The following GAN variants were observed in gnomAD, a reference collection of about 807,000 sequenced individuals.
GAN encodes epididymis secretory sperm binding protein.
In GAN, 48 loss-of-function variants were observed where a neutral mutation model predicts 71.3. The ratio of observed to expected loss-of-function variants is 0.67; its 90% CI spans 0.53 to 0.86. The LOEUF is 0.86. GAN is among the 40% of genes least tolerant of loss of function. The pLI is 0.00. For missense variants in GAN, 928 were observed against 770.1 expected (o/e 1.21, Z -2.43); for synonymous variants, 386 against 276.8 (o/e 1.39, Z -3.92).
intron 9 of GAN, among the ~76,000 whole-genome samples, chr16:81,369,686 G>C (rs887191422): frequency 1.3e-5 from 2 of 152,158 alleles, no homozygotes; most frequent in African/African-American, 4.8e-5. Flanking sequence ...CCACCTGCCG[G>C]GTTCACACCA....
In GAN at chr16:81,386,243, A is replaced by C. The variant is rs1157547250; in HGVS notation, c.*8647A>C. ...TACTTAAAACTCTTTACTAAAGTTGAATTTTCCTTTTTTTTCATTGAAATA... is the reference window on the plus strand; with the variant it reads ...TACTTAAAACTCTTTACTAAAGTTGCATTTTCCTTTTTTTTCATTGAAATA... On this transcript the variant is annotated 3_prime_UTR_variant, in exon 11 of 11. Transcript: ENST00000648994. 1.3e-5 allele frequency: 2 copies of C among 152,196 alleles called. No individual in the cohort carries two copies. Among genetic ancestry groups the C allele is most frequent in the Non-Finnish European group, 2.9e-5 (2 of 68,028 alleles). 9.4% of individuals were successfully genotyped at this position (152,196 alleles called of 1,614,324 possible). A position where few individuals can be genotyped will look rare whatever the true frequency, so the allele number is the denominator to read the frequency against.
Position 81,343,108 on chromosome 16 carries a change from A to C in GAN, c.168-8475A>C, listed in dbSNP as rs201593716. ...AGTTGAATCTCTGAATAGACCAATA[A>C]CAGGTTCTGAAATTGAGGCAATAAT... On this transcript the variant is annotated intron_variant, in intron 1 of 10. Coordinates refer to ENST00000648994, the MANE Select transcript of GAN (RefSeq NM_022041.4). Among the ~76,000 whole-genome samples the C allele has an allele frequency of 2.0e-5, 3 of 152,304 alleles. No homozygotes were observed. The East Asian group carries it at 5.8e-4, about 29-fold the overall frequency.
chr16:81,345,172 C>A (rs1397295565), intron 1 of GAN, among the ~76,000 whole-genome samples: 3 of 152,200 alleles, frequency 2.0e-5, no homozygotes, highest in African/African-American at 2.4e-5. Context: ...ATTAGTTCAA[C>A]CATTGTGGAA....
chr16:81,377,123 C>T, intron 9 of GAN, 96 bp from the exon 10 acceptor site: 1 of 817,976 alleles, frequency 1.2e-6, no homozygotes, highest in Non-Finnish European at 2.2e-6. Context: ...GTGCCTGATA[C>T]TGCTGATGAC....
chr16:81,363,137 A>G (rs377033881), intron 6 of GAN, among the ~76,000 whole-genome samples: 10 of 152,224 alleles, frequency 6.6e-5, no homozygotes, highest in Admixed American at 2.0e-4. Flanking sequence ...TATGATCCCA[A>G]ATAGCCTTGG....
intron 5 of GAN, among the ~76,000 whole-genome samples, chr16:81,358,404 C>A (rs1157784267): frequency 1.3e-5 from 2 of 152,090 alleles, no homozygotes; most frequent in African/African-American, 4.8e-5. Flanking sequence ...CCTAGGAGTT[C>A]AAGACCAGCC....
At chr16:81,372,516 G>C (rs1034551032) in intron 9 of GAN, among the ~76,000 whole-genome samples, 1 of 152,154 alleles carries the variant, frequency 6.6e-6, no homozygotes, top group Non-Finnish European at 1.5e-5. Flanking sequence ...CTGAAGATGT[G>C]ATTCAGTTAA....
intron 1 of GAN, among the ~76,000 whole-genome samples, chr16:81,329,188 T>A (rs1375498815): frequency 6.6e-6 from 1 of 152,142 alleles, no homozygotes; most frequent in Non-Finnish European, 1.5e-5. Context: ...TCTTTTTTTT[T>A]CCTTCTCTCC....
At position 81,378,735 on chromosome 16, in the gene GAN, C is replaced by G. The variant is rs955730589; in HGVS notation, c.*1139C>G. The G allele has an allele frequency of 6.6e-6, 1 of 152,620 alleles. No individual in the cohort carries two copies. The highest frequency in any genetic ancestry group is 6.5e-5 in the Admixed American group (1 of 15,276). The allele number at this position is 152,620 out of a possible 1,614,324, so 9.5% of individuals were successfully genotyped here. ...AGTAAAGTTTGGCTGGTAGAATAAA[C>G]TACCTCAACTTAATTTCATTCTGTT... On this transcript the variant is annotated 3_prime_UTR_variant, in exon 11 of 11. Coordinates refer to ENST00000648994, the MANE Select transcript of GAN (RefSeq NM_022041.4).
At chr16:81,348,402 C>T (rs540667068) in intron 1 of GAN, among the ~76,000 whole-genome samples, 5 of 152,050 alleles carry the variant, frequency 3.3e-5, no homozygotes, top group Admixed American at 2.0e-4. Flanking sequence ...TTTAAGTTAC[C>T]TTTTTTCTTA....
rs910117246 is a variant in GAN, at chr16:81,314,982, G to C, written c.-132G>C. The C allele has an allele frequency of 1.8e-4, 135 of 732,802 alleles. 1 individual carries two copies. The highest frequency in any genetic ancestry group is 1.2e-3 in the Admixed American group (28 of 22,994). 45.4% of individuals were successfully genotyped at this position (732,802 alleles called of 1,614,324 possible). ...GCCGCGGATAGCACAGGCACGTCCC[G>C]GGGGCTCCAGCTTCTGCTCAGAGCG... is the stretch of plus-strand genomic sequence containing the variant. On this transcript the variant is annotated 5_prime_UTR_variant, in exon 1 of 11. Coordinates refer to ENST00000648994, the MANE Select transcript of GAN (RefSeq NM_022041.4).
At position 81,356,983 on chromosome 16, in the gene GAN, G is replaced by A. The variant is rs779067083; in HGVS notation, c.832G>A (p.Val278Ile). The A allele has an allele frequency of 2.5e-6, 4 of 1,607,310 alleles. No homozygotes were observed. The highest frequency in any genetic ancestry group is 3.4e-6 in the Non-Finnish European group (4 of 1,174,496). ...PRGYSECIVT[V>I]GGEERVSRKP... ...GGGCTACTCTGAGTGCATCGTGACT[G>A]TTGGTGGAGAAGAGAGAGTGTAAGT... Residue 278 changes from valine to isoleucine, a missense_variant, in exon 4 of 11, where the codon GTT becomes ATT. Val to Ile is a conservative substitution (Grantham distance 29, BLOSUM62 3). Transcript: ENST00000648994.
At chr16:81,331,859 C>T (rs746012328) in intron 1 of GAN, among the ~76,000 whole-genome samples, 2 of 152,188 alleles carry the variant, frequency 1.3e-5, no homozygotes, top group African/African-American at 4.8e-5. Context: ...CTGGGACATA[C>T]TGTGAAAGAA....
At chr16:81,347,623 T>C (rs1288901897) in intron 1 of GAN, among the ~76,000 whole-genome samples, 1 of 152,018 alleles carries the variant, frequency 6.6e-6, no homozygotes, top group African/African-American at 2.4e-5. Context: ...GCTGAAAATG[T>C]CTTTGTTCCC....
intron 1 of GAN, among the ~76,000 whole-genome samples, chr16:81,326,789 T>C (rs966725558): frequency 2.0e-5 from 3 of 152,190 alleles, no homozygotes; most frequent in African/African-American, 7.2e-5. Context: ...GGCAAGTATA[T>C]GTGTATCTAA....
intron 1 of GAN, among the ~76,000 whole-genome samples, chr16:81,341,008 G>A (rs2317127): frequency 0.79 from 120,104 of 151,444 alleles, 47,992 homozygotes; most frequent in East Asian, 0.95. Flanking sequence ...ACAAGCTTCA[G>A]TAGCTGATTC....
chr16:81,322,471 G>A (rs1279569606), intron 1 of GAN, among the ~76,000 whole-genome samples: 2 of 152,124 alleles, frequency 1.3e-5, no homozygotes, highest in African/African-American at 4.8e-5. Context: ...GAAGATAGGA[G>A]GACTAGTTTT....
Position 81,361,919 on chromosome 16 carries a change from G to T in GAN, c.974-580G>T, listed in dbSNP as rs1240330090. On this transcript the variant is annotated intron_variant, in intron 5 of 10. Coordinates refer to ENST00000648994, the MANE Select transcript of GAN (RefSeq NM_022041.4). Reference sequence around the variant, plus strand: ...TGTGTTGCCTCCTATGAACCTCCTGGGCTCAAGCAGTCCTTGTAGCTTGGC... The same window carrying T: ...TGTGTTGCCTCCTATGAACCTCCTGTGCTCAAGCAGTCCTTGTAGCTTGGC... Among the ~76,000 whole-genome samples, 70 of 152,070 alleles carry T rather than the reference G, an allele frequency of 4.6e-4. 1 individual carries two copies. The highest frequency in any genetic ancestry group is 4.5e-3 in the Admixed American group (69 of 15,274).
At chr16:81,347,371 A>G (rs988046172) in intron 1 of GAN, among the ~76,000 whole-genome samples, 4 of 152,214 alleles carry the variant, frequency 2.6e-5, no homozygotes, top group African/African-American at 7.2e-5. Context: ...AAGATGTACA[A>G]GGGCCTTCTA....
Sources: gnomAD v4.1 joint callset for allele counts (sites outside exome capture counted in the v4.1 genomes callset) on GRCh38, gnomAD v4.1.1 for gene constraint, MANE v1.5 for transcripts, NCBI Gene and HGNC (gene_info 2026-07-23, HGNC 2026-07-21) for gene names.